SHANK1: variants seen among roughly 807,000 people sequenced by gnomAD.
SHANK1 encodes SH3 and multiple ankyrin repeat domains 1.
SHANK1 carries 35 observed loss-of-function variants against 165.6 expected under a neutral mutation model. The observed-to-expected ratio is 0.21, with a 90% confidence interval of 0.16 to 0.28. The LOEUF is 0.28. SHANK1 is among the 10% of genes least tolerant of loss of function. The pLI is 1.00. For missense variants in SHANK1, 2,681 were observed against 3,036.4 expected, an observed-to-expected ratio of 0.88 and a Z score of 2.75; for synonymous variants, 1,428 against 1,384.8, an observed-to-expected ratio of 1.03 and a Z score of -0.69.
intron 18 of SHANK1, 128 bp downstream of exon 18, chr19:50,687,795 C>G: frequency 2.1e-6 from 3 of 1,399,628 alleles, no homozygotes; most frequent in Non-Finnish European, 2.9e-6. Flanking sequence ...TCAGTTTCTC[C>G]CCACAAGGGT....
chr19:50,678,368 C>T (rs1287807383), intron 21 of SHANK1, among the ~76,000 whole-genome samples: 1 of 151,638 alleles, frequency 6.6e-6, no homozygotes, highest in Non-Finnish European at 1.5e-5. Flanking sequence ...GAGAGGACAG[C>T]TGGGAGGAGG....
rs536270983 is a variant in SHANK1 at position 50,669,358 on chromosome 19, C to T, written c.2675-73G>A. 2.3e-4 allele frequency: 226 copies of T among 995,596 alleles called. 1 individual carries two copies. The highest frequency in any genetic ancestry group is 2.8e-4 in the Non-Finnish European group (184 of 648,680). The allele number at this position is 995,596 out of a possible 1,614,324, so 61.7% of individuals were successfully genotyped here. Reference sequence around the variant, plus strand: ...CTCCCTGCTCCACTATCCCATAGAACCGCAACAATACTAATGACAAGAATG... The same window carrying T: ...CTCCCTGCTCCACTATCCCATAGAATCGCAACAATACTAATGACAAGAATG... On this transcript the variant is annotated intron_variant, in intron 22 of 23. Transcript: ENST00000293441.
intron 23 of SHANK1, among the ~76,000 whole-genome samples, chr19:50,664,103 C>T (rs1199612224): frequency 1.5e-5 from 2 of 137,736 alleles, no homozygotes; most frequent in Admixed American, 7.6e-5. Context: ...CTGTGCCCAG[C>T]CTCCTTTTTC....
intron 8 of SHANK1, among the ~76,000 whole-genome samples, chr19:50,705,440 T>C (rs1187354430): frequency 6.6e-6 from 1 of 152,250 alleles, no homozygotes; most frequent in Non-Finnish European, 1.5e-5. Context: ...AAATGTCACC[T>C]AATTATTTTC....
In SHANK1 at chr19:50,714,223, T is replaced by C. The variant is rs777756540; in HGVS notation, c.599A>G (p.Asp200Gly). ...GTSDKVARLL[D>G]KGLDPNYHDS... is the part of the protein sequence containing the mutation. ...ATGGTAATTGGGGTCCAGCCCCTTG[T>C]CCAGCAGCCGCGCCACCTTGTCAGA... Residue 200 changes from aspartate (D) to glycine (G), a missense_variant, in exon 5 of 24, where the codon GAC becomes GGC. By Grantham distance (94) the Asp-to-Gly change is moderately conservative. Around this residue, in one of 10 missense-constraint regions of SHANK1, gnomAD observed 189 missense variants for 440.9 expected, o/e 0.43. Coordinates refer to ENST00000293441, the MANE Select transcript of SHANK1 (RefSeq NM_016148.5). 1 of 1,614,128 alleles carries C rather than the reference T, an allele frequency of 6.2e-7. No individual in the cohort carries two copies. Among genetic ancestry groups the C allele is most frequent in the Non-Finnish European group, 8.5e-7 (1 of 1,180,012 alleles).
chr19:50,684,986 C>T (rs989796569), intron 21 of SHANK1, among the ~76,000 whole-genome samples: 3 of 152,152 alleles, frequency 2.0e-5, no homozygotes, highest in Non-Finnish European at 4.4e-5. Context: ...TGAGAAGGAC[C>T]ACGGCAGCCT....
At position 50,702,001 on chromosome 19, in the gene SHANK1, G is replaced by A. The variant is rs113413951; in HGVS notation, c.1747+466C>T. Among the ~76,000 whole-genome samples the A allele has an allele frequency of 5.4e-4, 82 of 152,284 alleles. No individual in the cohort carries two copies. Among genetic ancestry groups the A allele is most frequent in the African/African-American group, 1.7e-3 (72 of 41,564 alleles). ...GTAGGTCCCTGCCTGTCTCTCAGTT[G>A]AGGACCCCTGGACAGATGCAGGAGG... On this transcript the variant is annotated intron_variant, in intron 12 of 23. Transcript: ENST00000293441. The surrounding 1 kb of genome is among the most constrained non-coding windows in gnomAD (Gnocchi z 5.3).
intron 23 of SHANK1, among the ~76,000 whole-genome samples, 173 bp downstream of exon 23, chr19:50,666,019 G>T (rs1220534160): frequency 7.3e-6 from 1 of 136,514 alleles, no homozygotes; most frequent in Non-Finnish European, 1.6e-5. Flanking sequence ...CTCAAGAAAA[G>T]AAAAGAAAAA....
In SHANK1 at chr19:50,667,176, G is replaced by T. The variant is rs1985562679; in HGVS notation, c.4784C>A (p.Thr1595Lys). The T allele has an allele frequency of 6.4e-7, 1 of 1,563,952 alleles. No homozygotes were observed. ...TPGPPHPLPD[T>K]PAPATPLPPV... ...GGGTAACGGGGTGGCAGGGGCAGGT[G>T]TGTCGGGCAGCGGGTGGGGAGGCCC... Residue 1595 changes from threonine (T) to lysine (K), a missense_variant, in exon 23 of 24, where the codon ACA (threonine) becomes AAA (lysine). This residue lies in a region of SHANK1 where 1,713 missense variants were observed against 1,630.2 expected (regional missense o/e 1.05). Coordinates refer to ENST00000293441, the MANE Select transcript of SHANK1 (RefSeq NM_016148.5). The surrounding 1 kb of genome is among the most constrained non-coding windows in gnomAD (Gnocchi z 5.7).
chr19:50,667,486 C>T lies in SHANK1; in HGVS notation c.4474G>A (p.Val1492Met). 7 of 1,528,248 alleles carry T rather than the reference C, an allele frequency of 4.6e-6. No homozygotes were observed. Among genetic ancestry groups the T allele is most frequent in the Non-Finnish European group, 6.1e-6 (7 of 1,148,774 alleles). 94.7% of individuals were successfully genotyped at this position (1,528,248 alleles called of 1,614,324 possible). A position where few individuals can be genotyped will look rare whatever the true frequency, so the allele number is the denominator to read the frequency against. The part of the protein sequence containing the change: ...PEEPERLPLH[V>M]RFLENCQPRA... ...GGCTGGCAGTTTTCAAGGAACCGCA[C>T]GTGCAGCGGCAGCCGCTCGGGTTCT... is the stretch of plus-strand genomic sequence containing the variant. Residue 1492 changes from valine (V) to methionine (M), a missense_variant, in exon 23 of 24, where the codon GTG (valine) becomes ATG (methionine). Val to Met is a conservative substitution (Grantham distance 21). Transcript: ENST00000293441. The surrounding 1 kb of genome is among the most constrained non-coding windows in gnomAD (Gnocchi z 5.7).
At position 50,714,690 on chromosome 19, in the gene SHANK1, C is replaced by CAA. The variant is rs67938945; in HGVS notation, c.532-402_532-401dup. ...CGGGTGACAGAGCAAGACCCCGTCT[C>CAA]AAAAAAAAAAAAAAAAAAAATCAGG... On this transcript the variant is annotated intron_variant, in intron 4 of 23. Coordinates refer to ENST00000293441, the MANE Select transcript of SHANK1 (RefSeq NM_016148.5). Among the ~76,000 whole-genome samples, 729 of 102,934 alleles carry CAA rather than the reference C, an allele frequency of 7.1e-3. 11 individuals are homozygous for CAA. The highest frequency in any genetic ancestry group is 0.018 in the African/African-American group (540 of 29,448). 67.5% of individuals were successfully genotyped at this position (102,934 alleles called of 152,430 possible).
intron 8 of SHANK1, 189 bp downstream of exon 8, chr19:50,711,182 T>A (rs1568444845): frequency 5.4e-6 from 3 of 558,186 alleles, no homozygotes; most frequent in East Asian, 3.0e-5. Flanking sequence ...TAAATATCTG[T>A]TGGATGGATG....
intron 8 of SHANK1, among the ~76,000 whole-genome samples, chr19:50,706,349 C>G (rs1568443026): frequency 6.6e-6 from 1 of 152,002 alleles, no homozygotes; most frequent in Non-Finnish European, 1.5e-5. Flanking sequence ...GACAGGGATG[C>G]CTTCTACATT....
At chr19:50,701,696 T>C (rs971847692) in intron 12 of SHANK1, among the ~76,000 whole-genome samples, 1 of 152,160 alleles carries the variant, frequency 6.6e-6, no homozygotes, top group Non-Finnish European at 1.5e-5. Context: ...TCAACCTCTA[T>C]ACCGCTCAGC....
chr19:50,687,390 A>G (rs777964255), intron 19 of SHANK1, among the ~76,000 whole-genome samples, 192 bp downstream of exon 19: 2 of 152,100 alleles, frequency 1.3e-5, no homozygotes, highest in Non-Finnish European at 1.5e-5. Context: ...ACAAGAGCAC[A>G]GAGGAAAGTC....
chr19:50,705,590 G>A (rs1239453153), intron 8 of SHANK1, among the ~76,000 whole-genome samples: 2 of 152,064 alleles, frequency 1.3e-5, no homozygotes, highest in Non-Finnish European at 2.9e-5. Flanking sequence ...CCTGTGGGAT[G>A]TTGAGTAGCA....
rs761336225 is a variant in SHANK1, at chr19:50,669,209, C to T, written c.2751G>A (p.Ser917=). The part of the protein sequence containing the change: ...KFSRSLSVPG[S]EDIPPPPTTS... Reference sequence around the variant, plus strand: ...TGGTGGGTGGCGGGGGAATGTCCTCCGAACCAGGCACAGACAGGCTGCGGC... The same window carrying T: ...TGGTGGGTGGCGGGGGAATGTCCTCTGAACCAGGCACAGACAGGCTGCGGC... Residue 917 remains serine (S), a synonymous_variant, in exon 23 of 24, where the codon TCG becomes TCA. Coordinates refer to ENST00000293441, the MANE Select transcript of SHANK1 (RefSeq NM_016148.5). 13 of 1,610,736 alleles carry T rather than the reference C, an allele frequency of 8.1e-6. No homozygotes were observed. The highest frequency in any genetic ancestry group is 2.2e-5 in the East Asian group (1 of 44,684).
intron 4 of SHANK1, among the ~76,000 whole-genome samples, chr19:50,715,001 G>T (rs531437639): frequency 5.3e-5 from 8 of 152,144 alleles, no homozygotes; most frequent in Non-Finnish European, 5.9e-5. Flanking sequence ...ACATTTAGGG[G>T]AGGAAAGAGT....
At chr19:50,704,320 C>T in intron 9 of SHANK1, 117 bp downstream of exon 9, 1 of 1,313,506 alleles carries the variant, frequency 7.6e-7, no homozygotes, top group Non-Finnish European at 1.1e-6. Flanking sequence ...TCTTCCAGCT[C>T]CCCCTCCACG....
Sources: gnomAD v4.1 joint callset for allele counts (sites outside exome capture counted in the v4.1 genomes callset) on GRCh38, gnomAD v4.1.1 for gene constraint, gnomAD v4.1.1 regional missense constraint, Gnocchi (gnomAD v3.1) non-coding constraint, MANE v1.5 for transcripts, NCBI Gene and HGNC (gene_info 2026-07-23, HGNC 2026-07-21) for gene names.